The following INO80D variants were observed in gnomAD, a reference collection of about 807,000 sequenced individuals.
The protein encoded by INO80D is INO80 complex subunit D.
A neutral mutation model predicts 87.6 loss-of-function variants in INO80D; 21 were observed. That is an observed-to-expected ratio of 0.24 (90% CI 0.17 to 0.35). The LOEUF (loss-of-function observed/expected upper bound fraction) is 0.35. Ranked by LOEUF, INO80D falls within the 10% of genes least tolerant of loss-of-function variation. The pLI, the probability that INO80D is intolerant of heterozygous loss-of-function variation, is 1.00. For synonymous variants in INO80D, 440 were observed against 491.0 expected (o/e 0.90, Z 1.37); for missense variants, 982 against 1,280.7 (o/e 0.77, Z 3.56).
At chr2:206,060,696 G>C (rs1276711140) in intron 3 of INO80D, among the ~76,000 whole-genome samples, 1 of 151,894 alleles carries the variant, frequency 6.6e-6, no homozygotes, top group Non-Finnish European at 1.5e-5. Flanking sequence ...GAGCAGCTGG[G>C]ATTACAGGCA....
intron 5 of INO80D, among the ~76,000 whole-genome samples, chr2:206,040,137 A>G (rs1689004831): frequency 6.6e-6 from 1 of 151,792 alleles, no homozygotes; most frequent in African/African-American, 2.4e-5. Flanking sequence ...TACTAAAAAT[A>G]CAAAAATTAG....
At chr2:206,044,481 T>TTAA (rs1174409294) in intron 5 of INO80D, among the ~76,000 whole-genome samples, 1 of 112,542 alleles carries the variant, frequency 8.9e-6, no homozygotes, top group Admixed American at 9.8e-5. Context: ...AAATACCTGT[T>TTAA]AAAAAAAAAA....
At chr2:206,050,894 G>A (rs1689344003) in intron 4 of INO80D, among the ~76,000 whole-genome samples, 1 of 152,004 alleles carries the variant, frequency 6.6e-6, no homozygotes. Context: ...GCGTGAACCC[G>A]GGAGGCGGAG....
At chr2:206,027,378 G>A (rs1688646247) in intron 6 of INO80D, among the ~76,000 whole-genome samples, 1 of 152,126 alleles carries the variant, frequency 6.6e-6, no homozygotes, top group Admixed American at 6.6e-5. Flanking sequence ...CAAATAATCT[G>A]TGAGGTAATG....
chr2:206,031,429 T>A (rs1372523719), intron 5 of INO80D, among the ~76,000 whole-genome samples: 2 of 152,058 alleles, frequency 1.3e-5, no homozygotes, highest in Non-Finnish European at 2.9e-5. Flanking sequence ...GAAAGGCAGA[T>A]CTTAAAGGGA....
Position 206,001,478 on chromosome 2 carries a change from T to C in INO80D, c.*2890A>G, listed in dbSNP as rs918093807. 1.3e-5 allele frequency: 2 copies of C among 152,230 alleles called. No homozygotes were observed. The highest frequency in any genetic ancestry group is 2.9e-5 in the Non-Finnish European group (2 of 68,040). The allele number at this position is 152,230 out of a possible 1,614,324, so 9.4% of individuals were successfully genotyped here. A position where few individuals can be genotyped will look rare whatever the true frequency, so the allele number is the denominator to read the frequency against. On this transcript the variant is annotated 3_prime_UTR_variant, in exon 11 of 11. Transcript: ENST00000403263. ...TAGTTTCTACCTATTTAGGACCTTA[T>C]ATAAGATTTGTTTTTCATTCCAGTA... is the stretch of plus-strand genomic sequence containing the variant.
intron 8 of INO80D, among the ~76,000 whole-genome samples, chr2:206,015,074 C>T (rs957261963): frequency 1.3e-5 from 2 of 152,252 alleles, no homozygotes; most frequent in East Asian, 3.9e-4. Flanking sequence ...GAAGAAATTT[C>T]TAAGCAGCAA....
chr2:206,004,832 T>A lies in INO80D; in HGVS notation c.2620A>T (p.Thr874Ser), dbSNP rs779168216. ...MPIMAQHLLP[T>S]QLEVPLGGVV... is the part of the protein sequence containing the mutation. ...CCTCCAAGTGGCACCTCAAGTTGGGTTGGGAGCAAGTGCTGCGCCATGATG... is the reference window on the plus strand; with the variant it reads ...CCTCCAAGTGGCACCTCAAGTTGGGATGGGAGCAAGTGCTGCGCCATGATG... The change falls in exon 11 of 11, where the codon ACC (threonine) becomes TCC (serine). Residue 874 changes from threonine (T) to serine (S), a missense_variant. Physicochemically the swap from Thr to Ser is moderately conservative, Grantham distance 58. Transcript: ENST00000403263. The surrounding 1 kb of genome is among the most constrained non-coding windows in gnomAD (Gnocchi z 4.9). 1 of 1,613,942 alleles carries A rather than the reference T, an allele frequency of 6.2e-7. No individual in the cohort carries two copies. Among genetic ancestry groups the A allele is most frequent in the Non-Finnish European group, 8.5e-7 (1 of 1,179,868 alleles).
Position 206,085,284 on chromosome 2 carries a change from C to T in INO80D, c.-124+617G>A, listed in dbSNP as rs1466618531. Among the ~76,000 whole-genome samples the T allele has an allele frequency of 6.6e-6, 1 of 151,344 alleles. No individual in the cohort carries two copies. Among genetic ancestry groups the T allele is most frequent in the Non-Finnish European group, 1.5e-5 (1 of 67,702 alleles). On this transcript the variant is annotated intron_variant, in intron 1 of 10. Coordinates refer to ENST00000403263, the MANE Select transcript of INO80D (RefSeq NM_017759.5). This position sits in a 1 kb window ranked among gnomAD's most constrained non-coding sequence, Gnocchi z 4.5. ...CCCGCCCCGGCCTGGCCGTCCGGAG[C>T]GCGGAGGAGGGGGATAAATAAATTC...
chr2:206,017,602 T>C (rs1365582492), intron 8 of INO80D, 78 bp downstream of exon 8: 11 of 1,189,364 alleles, frequency 9.2e-6, no homozygotes, highest in African/African-American at 1.6e-5. Flanking sequence ...TATACATACA[T>C]AGTTTGTGCT....
chr2:206,041,213 ATC>A (rs1177796218), intron 5 of INO80D, among the ~76,000 whole-genome samples: 1 of 151,912 alleles, frequency 6.6e-6, no homozygotes, highest in African/African-American at 2.4e-5. Context: ...CCCAATAAAT[ATC>A]AATAATCATA....
intron 6 of INO80D, among the ~76,000 whole-genome samples, chr2:206,021,274 T>G (rs1025081813): frequency 6.6e-6 from 1 of 152,210 alleles, no homozygotes; most frequent in Non-Finnish European, 1.5e-5. Context: ...AAATTACATA[T>G]GAATTTACAC....
At chr2:206,025,752 A>G (rs1688599293) in intron 6 of INO80D, 1 of 151,692 alleles carries the variant, frequency 6.6e-6, no homozygotes, top group African/African-American at 2.4e-5. Context: ...TCAATAAAGA[A>G]GCTGGCCTTC....
At chr2:206,074,660 C>T (rs1690063013) in intron 1 of INO80D, among the ~76,000 whole-genome samples, 1 of 152,182 alleles carries the variant, frequency 6.6e-6, no homozygotes, top group Non-Finnish European at 1.5e-5. Flanking sequence ...CTCATTGGGG[C>T]TGGGCATGGC....
chr2:206,015,294 G>T (rs957318405), intron 8 of INO80D, among the ~76,000 whole-genome samples: 5 of 152,148 alleles, frequency 3.3e-5, no homozygotes, highest in African/African-American at 1.2e-4. Flanking sequence ...ATGTCTCCAG[G>T]GCACGTCAGA....
Position 206,062,501 on chromosome 2 carries a change from G to GA in INO80D, c.218+297dup, listed in dbSNP as rs910534149. Among the ~76,000 whole-genome samples, 2 of 151,652 alleles carry GA rather than the reference G, an allele frequency of 1.3e-5. No homozygotes were observed. Among genetic ancestry groups the GA allele is most frequent in the Non-Finnish European group, 2.9e-5 (2 of 67,942 alleles). ...AAGACTTCAAGCAGCAACTTTGAGG[G>GA]AAAAAAAATCTTTTAAAAATTCTAG... On this transcript the variant is annotated intron_variant, in intron 3 of 10. Transcript: ENST00000403263. This position sits in a 1 kb window ranked among gnomAD's most constrained non-coding sequence, Gnocchi z 4.6.
intron 1 of INO80D, among the ~76,000 whole-genome samples, chr2:206,075,635 A>G (rs1407568786): frequency 6.6e-6 from 1 of 151,518 alleles, no homozygotes; most frequent in African/African-American, 2.4e-5. Flanking sequence ...CGAGGGTTTC[A>G]CCATGTTGGC....
At chr2:206,023,924 C>G (rs1318945918) in intron 6 of INO80D, among the ~76,000 whole-genome samples, 1 of 152,062 alleles carries the variant, frequency 6.6e-6, no homozygotes, top group Non-Finnish European at 1.5e-5. Context: ...CTGAAAACAA[C>G]CAGTTAAGAA....
Position 206,003,135 on chromosome 2 carries a change from A to C in INO80D, c.*1233T>G, listed in dbSNP as rs1460741054. On this transcript the variant is annotated 3_prime_UTR_variant, in exon 11 of 11. Coordinates refer to ENST00000403263, the MANE Select transcript of INO80D (RefSeq NM_017759.5). Reference sequence around the variant, plus strand: ...TTAAAAGGACCAAAGGGCGAATAAAATTTATATCTAATTTCCATATTCTGC... The same window carrying C: ...TTAAAAGGACCAAAGGGCGAATAAACTTTATATCTAATTTCCATATTCTGC... 1 of 152,224 alleles carries C rather than the reference A, an allele frequency of 6.6e-6. No individual in the cohort carries two copies. The highest frequency in any genetic ancestry group is 1.9e-4 in the East Asian group (1 of 5,196). The allele number at this position is 152,224 out of a possible 1,614,324, so 9.4% of individuals were successfully genotyped here.
Sources: gnomAD v4.1 joint callset for allele counts (sites outside exome capture counted in the v4.1 genomes callset) on GRCh38, gnomAD v4.1.1 for gene constraint, Gnocchi (gnomAD v3.1) non-coding constraint, MANE v1.5 for transcripts, NCBI Gene and HGNC (gene_info 2026-07-23, HGNC 2026-07-21) for gene names.